The following SERINC5 variants were observed in gnomAD, a reference collection of about 807,000 sequenced individuals.
SERINC5 encodes the protein chromosome 5 open reading frame 12.
A neutral mutation model predicts 63.1 loss-of-function variants in SERINC5; 41 were observed. That is an observed-to-expected ratio of 0.65 (90% CI 0.51 to 0.84). The LOEUF is 0.84. SERINC5 is among the 40% of genes least tolerant of loss of function. The pLI, the probability that SERINC5 is intolerant of heterozygous loss-of-function variation, is 0.00. For synonymous variants in SERINC5, 222 were observed against 215.2 expected, an observed-to-expected ratio of 1.03 and a Z score of -0.28; for missense variants, 523 against 573.0, an observed-to-expected ratio of 0.91 and a Z score of 0.89.
At chr5:80,179,257 A>C (rs771341537) in intron 2 of SERINC5, among the ~76,000 whole-genome samples, 10 of 152,152 alleles carry the variant, frequency 6.6e-5, no homozygotes, top group East Asian at 1.9e-4. Context: ...CGAGATCGTG[A>C]CACTGCACTC....
intron 1 of SERINC5, among the ~76,000 whole-genome samples, chr5:80,236,093 C>A (rs1751674966): frequency 6.6e-6 from 1 of 152,136 alleles, no homozygotes; most frequent in Non-Finnish European, 1.5e-5. Context: ...GGGTGTGGAG[C>A]AAACTTCAAA....
intron 2 of SERINC5, 77 bp from the exon 3 acceptor site, chr5:80,178,141 A>G: frequency 1.2e-6 from 1 of 839,266 alleles, no homozygotes; most frequent in Non-Finnish European, 1.8e-6. Flanking sequence ...CATGCAGCCA[A>G]CCACAACATC....
downstream of SERINC5, among the ~76,000 whole-genome samples, chr5:80,137,642 CA>C (rs57807742): frequency 8.3e-3 from 868 of 104,736 alleles, 11 homozygotes; most frequent in African/African-American, 0.024. Context: ...GACTCTAACT[CA>C]AAAAAAAAAA....
At chr5:80,243,671 C>T (rs548336856) in intron 1 of SERINC5, among the ~76,000 whole-genome samples, 201 of 151,644 alleles carry the variant, frequency 1.3e-3, no homozygotes, top group African/African-American at 4.8e-3. Context: ...TTTGAGAGGC[C>T]AAGGCAGGAG....
rs376666749 is a variant in SERINC5 at position 80,237,369 on chromosome 5, T to C, written c.27+18527A>G. On this transcript the variant is annotated intron_variant, in intron 1 of 11. Transcript: ENST00000507668. The stretch of plus-strand genomic sequence containing the variant: ...TCTTTTTTTTTCATGTCTTTTGTCA[T>C]GTCACCCAGGCTGGGTTGCAGTGGT... 2.6e-4 allele frequency among the ~76,000 whole-genome samples: 40 copies of C among 151,946 alleles called. No homozygotes were observed. The South Asian group carries it at 8.3e-3, about 32-fold the overall frequency.
At chr5:80,171,891 A>ATTTTTTATTTTATTTTTTTTTG (rs1747689067) in intron 5 of SERINC5, among the ~76,000 whole-genome samples, 1 of 151,938 alleles carries the variant, frequency 6.6e-6, no homozygotes, top group Non-Finnish European at 1.5e-5. Context: ...TTTAAAAAAA[A>ATTTTTTATTTTATTTTTTTTTG]AGACAAAAAA....
chr5:80,205,975 C>CAA (rs368524252), intron 1 of SERINC5, among the ~76,000 whole-genome samples: 16,699 of 74,172 alleles, frequency 0.23, 1,987 homozygotes, highest in Admixed American at 0.25. Context: ...TGGTGGTGCA[C>CAA]AAAAAAAAAA....
At chr5:80,180,581 T>A (rs1241620226) in intron 2 of SERINC5, among the ~76,000 whole-genome samples, 1 of 152,188 alleles carries the variant, frequency 6.6e-6, no homozygotes, top group Non-Finnish European at 1.5e-5. Context: ...GAATCCTCTG[T>A]GGCTGGCGCT....
At chr5:80,163,444 C>T (rs527639466) in intron 7 of SERINC5, among the ~76,000 whole-genome samples, 3 of 152,084 alleles carry the variant, frequency 2.0e-5, no homozygotes, top group Non-Finnish European at 4.4e-5. Flanking sequence ...CCATTTTTCC[C>T]CACTCAGTAT....
Position 80,202,979 on chromosome 5 carries a change from G to A in SERINC5, c.102C>T (p.Ser34=). Residue 34 remains serine, a synonymous_variant, in exon 2 of 12, where the codon AGC becomes AGT. Coordinates refer to ENST00000507668, the MANE Select transcript of SERINC5 (RefSeq NM_001174072.3). ...DCCPRIRQSL[S]TRFMYALYFI... ...AGTAGAGGGCGTACATGAAGCGGGT[G>A]CTGAGGGACTGCCGAATCCTGGGGC... 1 of 1,613,704 alleles carries A rather than the reference G, an allele frequency of 6.2e-7. No individual in the cohort carries two copies. The highest frequency in any genetic ancestry group is 8.5e-7 in the Non-Finnish European group (1 of 1,179,748).
intron 7 of SERINC5, among the ~76,000 whole-genome samples, chr5:80,161,795 G>A (rs1404463617): frequency 6.6e-6 from 1 of 152,160 alleles, no homozygotes; most frequent in Admixed American, 6.6e-5. Context: ...ATATCCAGAA[G>A]AGTTTTCCTA....
At chr5:80,118,702 C>T (rs1744427966) in intron 11 of SERINC5, among the ~76,000 whole-genome samples, 1 of 148,728 alleles carries the variant, frequency 6.7e-6, no homozygotes, top group Non-Finnish European at 1.5e-5. Flanking sequence ...CGCATGCCAC[C>T]ATGTCCAGCT....
rs1745450497 is a variant in SERINC5 at position 80,140,602 on chromosome 5, A to G, written c.*3061T>C. The stretch of plus-strand genomic sequence containing the variant: ...ACTGTGGGCAAAAATAAAACTAACC[A>G]ATCAGTATTTAAAAAGCTAGACACA... On this transcript the variant is annotated 3_prime_UTR_variant, in exon 12 of 12. Transcript: ENST00000507668. 1.0e-6 allele frequency: 1 copy of G among 985,116 alleles called. No individual in the cohort carries two copies. The highest frequency in any genetic ancestry group is 1.7e-5 in the African/African-American group (1 of 57,154). 61.0% of individuals were successfully genotyped at this position (985,116 alleles called of 1,614,324 possible). A position where few individuals can be genotyped will look rare whatever the true frequency, so the allele number is the denominator to read the frequency against.
chr5:80,129,772 A>C (rs904574526), intron 11 of SERINC5, among the ~76,000 whole-genome samples: 5 of 152,212 alleles, frequency 3.3e-5, no homozygotes, highest in Admixed American at 2.6e-4. Flanking sequence ...TATTTGAGTG[A>C]TATTCTTGTA....
At chr5:80,202,391 T>C (rs1271046889) in intron 2 of SERINC5, among the ~76,000 whole-genome samples, 1 of 152,110 alleles carries the variant, frequency 6.6e-6, no homozygotes, top group African/African-American at 2.4e-5. Flanking sequence ...ACGATTGTGA[T>C]GGACAATGAT....
At chr5:80,218,889 C>T (rs865926281) in intron 1 of SERINC5, among the ~76,000 whole-genome samples, 1 of 152,048 alleles carries the variant, frequency 6.6e-6, no homozygotes, top group Admixed American at 6.6e-5. Flanking sequence ...ATTCCACTGC[C>T]CAGTAACAAT....
At chr5:80,221,475 T>C (rs1750902786) in intron 1 of SERINC5, among the ~76,000 whole-genome samples, 1 of 152,166 alleles carries the variant, frequency 6.6e-6, no homozygotes, top group Non-Finnish European at 1.5e-5. Context: ...AAAAGGTATC[T>C]GTAATTCAAC....
In SERINC5 at chr5:80,141,804, G is replaced by A. The variant is rs1294376410; in HGVS notation, c.*1859C>T. 1 of 985,292 alleles carries A rather than the reference G, an allele frequency of 1.0e-6. No individual in the cohort carries two copies. Among genetic ancestry groups the A allele is most frequent in the South Asian group, 4.7e-5 (1 of 21,286 alleles). 61.0% of individuals were successfully genotyped at this position (985,292 alleles called of 1,614,324 possible). A position where few individuals can be genotyped will look rare whatever the true frequency, so the allele number is the denominator to read the frequency against. ...GTACAGAGCTCCTGCCCTAAAAAAG[G>A]AAATTTAATGGAATTTACAAAACAA... On this transcript the variant is annotated 3_prime_UTR_variant, in exon 12 of 12. Transcript: ENST00000507668.
chr5:80,141,940 G>T lies in SERINC5; in HGVS notation c.*1723C>A. 1 of 985,252 alleles carries T rather than the reference G, an allele frequency of 1.0e-6. No individual in the cohort carries two copies. The highest frequency in any genetic ancestry group is 1.7e-5 in the African/African-American group (1 of 57,300). 61.0% of individuals were successfully genotyped at this position (985,252 alleles called of 1,614,324 possible). On this transcript the variant is annotated 3_prime_UTR_variant, in exon 12 of 12. Transcript: ENST00000507668. ...ATCCCCTGTAATTTGTTTCCCCATG[G>T]GTTTTCTTGGGAGAAGGGCAAAGGA...
Sources: allele counts gnomAD v4.1 joint callset (sites outside exome capture counted in the v4.1 genomes callset), GRCh38; gene constraint gnomAD v4.1.1; transcripts MANE v1.5; gene names NCBI Gene and HGNC (gene_info 2026-07-23, HGNC 2026-07-21).